CSMD1: variants seen among roughly 807,000 people sequenced by gnomAD.
CSMD1 encodes CUB and Sushi multiple domains 1.
Under a neutral mutation model 417.5 loss-of-function variants are expected in CSMD1, and 213 were observed. The observed-to-expected ratio is 0.51, with a 90% CI of 0.46 to 0.57. The LOEUF is 0.57. Among genes scored for constraint, CSMD1 ranks in the 20% least tolerant of loss-of-function variants. The pLI, the probability that CSMD1 is intolerant of heterozygous loss-of-function variation, is 0.00. For synonymous variants in CSMD1, 2,862 were observed against 1,736.8 expected (o/e 1.65, Z -16.11); for missense variants, 6,923 against 4,529.7 (o/e 1.53, Z -15.17).
At chr8:4,373,391 C>T (rs1023243708) in intron 3 of CSMD1, among the ~76,000 whole-genome samples, 1 of 152,112 alleles carries the variant, frequency 6.6e-6, no homozygotes, top group African/African-American at 2.4e-5. Flanking sequence ...AATGTGCCAC[C>T]AGAATATAAA....
intron 2 of CSMD1, among the ~76,000 whole-genome samples, chr8:4,470,262 C>G (rs1303122120): frequency 6.6e-6 from 1 of 152,180 alleles, no homozygotes; most frequent in Non-Finnish European, 1.5e-5. Flanking sequence ...TCAGGGGCTC[C>G]TCCTCTATCC....
At chr8:4,746,115 G>C (rs190597787) in intron 1 of CSMD1, among the ~76,000 whole-genome samples, 10 of 152,310 alleles carry the variant, frequency 6.6e-5, no homozygotes, top group Admixed American at 3.3e-4. Context: ...TGCTCCTCCT[G>C]CTGTTAAATT....
intron 1 of CSMD1, among the ~76,000 whole-genome samples, chr8:4,832,039 G>C (rs769400507): frequency 1.3e-5 from 2 of 152,320 alleles, no homozygotes; most frequent in Non-Finnish European, 1.5e-5. Flanking sequence ...AATGCCACAT[G>C]TTACCTTACA....
intron 1 of CSMD1, among the ~76,000 whole-genome samples, chr8:4,796,376 T>C (rs1299342093): frequency 6.6e-6 from 1 of 152,132 alleles, no homozygotes; most frequent in Non-Finnish European, 1.5e-5. Context: ...ATAAAGTTTA[T>C]TCCTGATCTC....
At chr8:3,427,612 G>A (rs985221643) in intron 12 of CSMD1, among the ~76,000 whole-genome samples, 1 of 152,072 alleles carries the variant, frequency 6.6e-6, no homozygotes, top group African/African-American at 2.4e-5. Flanking sequence ...ACCATACTCT[G>A]CAAATCTAGT....
intron 1 of CSMD1, among the ~76,000 whole-genome samples, chr8:4,804,272 T>A (rs1260695697): frequency 1.3e-5 from 2 of 152,264 alleles, no homozygotes; most frequent in South Asian, 4.1e-4. Flanking sequence ...CTCTAATTAT[T>A]GAAGCTGGAA....
intron 5 of CSMD1, among the ~76,000 whole-genome samples, chr8:3,838,943 AAAAT>A (rs1802908601): frequency 9.0e-6 from 1 of 110,568 alleles, no homozygotes; most frequent in Non-Finnish European, 1.8e-5. Flanking sequence ...TATATAATAA[AAAAT>A]TAATATCTAT....
intron 2 of CSMD1, among the ~76,000 whole-genome samples, chr8:4,441,095 G>GTCTTTTTTTTTTTTTTTTTTT (rs1798443777): frequency 1.9e-5 from 1 of 51,296 alleles, no homozygotes; most frequent in Non-Finnish European, 3.6e-5. Flanking sequence ...TAATCAAAAG[G>GTCTTTTTTTTTTTTTTTTTTT]TTTTTTTTTT....
At chr8:3,710,610 C>T (rs1801451780) in intron 6 of CSMD1, among the ~76,000 whole-genome samples, 1 of 152,138 alleles carries the variant, frequency 6.6e-6, no homozygotes, top group Admixed American at 6.5e-5. Flanking sequence ...TGCTTGGCCC[C>T]TGTGTATTCT....
At chr8:3,694,901 G>A (rs1301937117) in intron 7 of CSMD1, among the ~76,000 whole-genome samples, 4 of 151,984 alleles carry the variant, frequency 2.6e-5, no homozygotes, top group Non-Finnish European at 4.4e-5. Flanking sequence ...TGGGTGTGAG[G>A]GGAAATCGCA....
chr8:3,984,567 T>C (rs942136718), intron 5 of CSMD1, among the ~76,000 whole-genome samples: 2 of 151,396 alleles, frequency 1.3e-5, no homozygotes, highest in Non-Finnish European at 1.5e-5. Flanking sequence ...AATATATATA[T>C]AGCCAAGTAC....
intron 2 of CSMD1, among the ~76,000 whole-genome samples, chr8:4,449,702 G>GC (rs1799018114): frequency 2.0e-5 from 3 of 152,104 alleles, no homozygotes; most frequent in African/African-American, 7.2e-5. Context: ...GAGAGAGAGG[G>GC]AGTATGGGGA....
At chr8:4,696,322 C>G (rs1327594035) in intron 1 of CSMD1, among the ~76,000 whole-genome samples, 1 of 152,142 alleles carries the variant, frequency 6.6e-6, no homozygotes, top group Non-Finnish European at 1.5e-5. Flanking sequence ...CAATAACTTT[C>G]AAAGACTCTT....
Position 4,963,379 on chromosome 8 carries a change from T to C in CSMD1, c.85+30953A>G, listed in dbSNP as rs185112461. 1.8e-4 allele frequency among the ~76,000 whole-genome samples: 27 copies of C among 152,192 alleles called. 1 individual carries two copies. The highest frequency in any genetic ancestry group is 5.3e-4 in the African/African-American group (22 of 41,530). On this transcript the variant is annotated intron_variant, in intron 1 of 69. Transcript: ENST00000635120. ...CCTGCCCAGCTAATTTTTGTATTTT[T>C]AGTAGAGACGAGGTTTCACCATGTT...
chr8:4,074,832 G>C (rs531971706), intron 3 of CSMD1, among the ~76,000 whole-genome samples: 154 of 151,932 alleles, frequency 1.0e-3, no homozygotes, highest in African/African-American at 3.5e-3. Flanking sequence ...CTTTTTCTTG[G>C]TAGAATTTTC....
intron 1 of CSMD1, among the ~76,000 whole-genome samples, chr8:4,914,844 C>G (rs931661440): frequency 2.6e-5 from 4 of 152,144 alleles, no homozygotes; most frequent in Admixed American, 2.6e-4. Flanking sequence ...GGGAGTTTCA[C>G]CTACTGCTAT....
intron 3 of CSMD1, among the ~76,000 whole-genome samples, chr8:4,118,904 T>C (rs1802315843): frequency 6.6e-6 from 1 of 152,212 alleles, no homozygotes; most frequent in Admixed American, 6.5e-5. Flanking sequence ...TGGAATACTA[T>C]GCAGCCATTA....
At chr8:4,727,644 T>C (rs1356804687) in intron 1 of CSMD1, among the ~76,000 whole-genome samples, 2 of 152,118 alleles carry the variant, frequency 1.3e-5, no homozygotes, top group Non-Finnish European at 1.5e-5. Context: ...GGTTCCCACT[T>C]GAAATCCACG....
chr8:4,920,634 C>A (rs1806375095), intron 1 of CSMD1, among the ~76,000 whole-genome samples: 2 of 151,790 alleles, frequency 1.3e-5, no homozygotes, highest in Non-Finnish European at 2.9e-5. Context: ...CCAGCCTGAC[C>A]TACATGGTGA....
Sources: gnomAD v4.1 joint callset for allele counts (sites outside exome capture counted in the v4.1 genomes callset) on GRCh38, gnomAD v4.1.1 for gene constraint, MANE v1.5 for transcripts, NCBI Gene and HGNC (gene_info 2026-07-23, HGNC 2026-07-21) for gene names.